PKHD1: variants seen among roughly 807,000 people sequenced by gnomAD.
The protein encoded by PKHD1 is fibrocystin.
PKHD1 carries 291 observed loss-of-function variants against 412.0 expected under a neutral mutation model. The observed-to-expected ratio is 0.71, with a 90% confidence interval of 0.64 to 0.78. The LOEUF (loss-of-function observed/expected upper bound fraction) is 0.78, where lower values mean the gene tolerates loss of function less well. Ranked by LOEUF, PKHD1 falls within the 30% of genes least tolerant of loss-of-function variation. The probability of loss-of-function intolerance (pLI) is 0.00; values close to 1 mark genes in which losing one functional copy is unlikely to be tolerated. For missense variants in PKHD1, 4,825 were observed against 4,950.7 expected (o/e 0.97, Z 0.76); for synonymous variants, 1,777 against 1,821.5 (o/e 0.98, Z 0.62).
At chr6:52,003,850 T>G (rs1798737660) in intron 35 of PKHD1, among the ~76,000 whole-genome samples, 1 of 152,220 alleles carries the variant, frequency 6.6e-6, no homozygotes, top group Non-Finnish European at 1.5e-5. Context: ...TTTCCATAAT[T>G]TTTTAATCAG....
intron 60 of PKHD1, among the ~76,000 whole-genome samples, chr6:51,739,323 C>A (rs946130564): frequency 6.6e-6 from 1 of 151,860 alleles, no homozygotes; most frequent in African/African-American, 2.4e-5. Context: ...CCCCGCCTCC[C>A]GGGTTCAAGC....
chr6:51,982,855 AAAAAT>A (rs376352534), intron 35 of PKHD1, among the ~76,000 whole-genome samples: 2,606 of 125,974 alleles, frequency 0.021, 69 homozygotes, highest in African/African-American at 0.062. Flanking sequence ...ATAAAAAAAT[AAAAAT>A]AAAATAAAAT....
intron 35 of PKHD1, among the ~76,000 whole-genome samples, chr6:51,997,358 G>C (rs767119263): frequency 1.3e-5 from 2 of 152,014 alleles, no homozygotes; most frequent in African/African-American, 4.8e-5. Context: ...CTTTATCATC[G>C]GTTCTGTGAG....
chr6:51,867,991 GT>G lies in PKHD1; in HGVS notation c.7604del (p.Asn2535ThrfsTer44). 1.2e-6 allele frequency: 2 copies of G among 1,613,300 alleles called. No homozygotes were observed. Among genetic ancestry groups the G allele is most frequent in the Non-Finnish European group, 1.7e-6 (2 of 1,179,336 alleles). On this transcript the variant is annotated frameshift_variant, in exon 48 of 67. Transcript: ENST00000371117. LOFTEE classifies it high-confidence loss of function. ...EDLDGSLSGK[N>X]RSHILASMET... ...CCATAGAAGCAAGAATGTGACTTCT[GT>G]TTTTCCCAGACAGAGACCCATCCAA...
intron 52 of PKHD1, among the ~76,000 whole-genome samples, chr6:51,811,260 G>A (rs1764642057): frequency 6.6e-6 from 1 of 152,052 alleles, no homozygotes; most frequent in Admixed American, 6.6e-5. Context: ...AAGATCAACT[G>A]ACCTGAAAAA....
intron 48 of PKHD1, among the ~76,000 whole-genome samples, chr6:51,865,696 C>T (rs1230737872): frequency 5.3e-5 from 8 of 152,182 alleles, no homozygotes; most frequent in South Asian, 4.1e-4. Context: ...CAACATGCAA[C>T]CCCAAAAGAT....
At chr6:52,065,238 C>G (rs1056391299) in intron 12 of PKHD1, among the ~76,000 whole-genome samples, 188 bp from the exon 13 acceptor site, 1 of 139,444 alleles carries the variant, frequency 7.2e-6, no homozygotes, top group African/African-American at 2.7e-5. Flanking sequence ...GATGGCAAGA[C>G]CAGACTGAAG....
intron 65 of PKHD1, among the ~76,000 whole-genome samples, chr6:51,629,449 G>A (rs2150290066): frequency 6.6e-6 from 1 of 151,996 alleles, no homozygotes; most frequent in South Asian, 2.1e-4. Flanking sequence ...GTGGCCAAAA[G>A]TATGTGAAAA....
At chr6:51,721,800 A>G (rs1345224690) in intron 60 of PKHD1, 5 of 1,481,682 alleles carry the variant, frequency 3.4e-6, no homozygotes, top group Middle Eastern at 1.8e-4. Flanking sequence ...TTTGATCTGT[A>G]CCATCCTCTC....
intron 37 of PKHD1, among the ~76,000 whole-genome samples, chr6:51,915,239 A>G (rs1783595793): frequency 6.6e-6 from 1 of 152,098 alleles, no homozygotes. Flanking sequence ...TCCACCTGAG[A>G]TTCTCTCACC....
At chr6:51,781,350 G>C (rs1200663770) in intron 53 of PKHD1, among the ~76,000 whole-genome samples, 6 of 152,020 alleles carry the variant, frequency 3.9e-5, no homozygotes, top group African/African-American at 1.4e-4. Context: ...AAAATCAGTA[G>C]GCATTATCAA....
chr6:51,856,391 G>A (rs1773316907), intron 48 of PKHD1, among the ~76,000 whole-genome samples: 1 of 152,194 alleles, frequency 6.6e-6, no homozygotes, highest in Admixed American at 6.5e-5. Flanking sequence ...ATGCTGGAGT[G>A]CAATGCGCAG....
chr6:51,896,117 G>A lies in PKHD1; in HGVS notation c.6996+7480C>T, dbSNP rs185597301. ...GGGGCGCCCACCATTGCCCAGGCTC[G>A]CTTAGGTAAACAAAGCAGCCCGGAA... On this transcript the variant is annotated intron_variant, in intron 43 of 66. Coordinates refer to ENST00000371117, the MANE Select transcript of PKHD1 (RefSeq NM_138694.4). Among the ~76,000 whole-genome samples, 251 of 152,292 alleles carry A rather than the reference G, an allele frequency of 1.6e-3. 2 individuals are homozygous for A. Among genetic ancestry groups the A allele is most frequent in the African/African-American group, 5.7e-3 (237 of 41,562 alleles).
At chr6:51,998,518 T>C (rs1797970253) in intron 35 of PKHD1, among the ~76,000 whole-genome samples, 1 of 152,214 alleles carries the variant, frequency 6.6e-6, no homozygotes, top group Non-Finnish European at 1.5e-5. Context: ...TTCAAAATAT[T>C]CCAAGTTATT....
At chr6:51,787,069 C>A (rs1047850138) in intron 53 of PKHD1, among the ~76,000 whole-genome samples, 1 of 152,080 alleles carries the variant, frequency 6.6e-6, no homozygotes, top group Non-Finnish European at 1.5e-5. Context: ...GCCTTACAAG[C>A]AGGACCACCG....
chr6:52,059,412 C>A lies in PKHD1; in HGVS notation c.1233+516G>T, dbSNP rs545636883. Among the ~76,000 whole-genome samples, 65 of 151,720 alleles carry A rather than the reference C, an allele frequency of 4.3e-4. 1 individual carries two copies. In the South Asian group the frequency reaches 9.6e-3, roughly 22 times the overall value. On this transcript the variant is annotated intron_variant, in intron 15 of 66. Coordinates refer to ENST00000371117, the MANE Select transcript of PKHD1 (RefSeq NM_138694.4). ...TATAGGCATGCGCCACCATGCCTGG[C>A]TAATTTTTGTATTTTTAATAGAGAC...
intron 35 of PKHD1, chr6:51,975,945 C>T (rs917469839): frequency 2.2e-4 from 25 of 114,840 alleles, no homozygotes; most frequent in African/African-American, 7.9e-4. Context: ...GATAACATAG[C>T]GAGACCCTTT....
intron 28 of PKHD1, 36 bp downstream of exon 28, chr6:52,035,555 C>T: frequency 6.2e-7 from 1 of 1,600,002 alleles, no homozygotes; most frequent in Non-Finnish European, 8.6e-7. Flanking sequence ...TGGTCACTCA[C>T]CCAGAGAGAA....
chr6:52,034,668 T>C (rs916753677), intron 28 of PKHD1, among the ~76,000 whole-genome samples: 1 of 152,110 alleles, frequency 6.6e-6, no homozygotes, highest in African/African-American at 2.4e-5. Context: ...AGAAAAGAAA[T>C]GTACCCCCAA....
Sources: allele counts gnomAD v4.1 joint callset (sites outside exome capture counted in the v4.1 genomes callset), GRCh38; gene constraint gnomAD v4.1.1; transcripts MANE v1.5; gene names NCBI Gene and HGNC (gene_info 2026-07-23, HGNC 2026-07-21).